The following CD109 variants were observed in gnomAD, a reference collection of about 807,000 sequenced individuals.
CD109 encodes CD109 antigen.
Under a neutral mutation model 165.8 loss-of-function variants are expected in CD109, and 149 were observed. That is an observed-to-expected ratio of 0.90 (90% CI 0.79 to 1.03). The LOEUF (loss-of-function observed/expected upper bound fraction) is 1.03. CD109 is among the 50% of genes least tolerant of loss of function. The probability of loss-of-function intolerance (pLI) is 0.00; values close to 1 mark genes in which losing one functional copy is unlikely to be tolerated. For synonymous variants in CD109, 585 were observed against 592.1 expected (o/e 0.99, Z 0.18); for missense variants, 1,712 against 1,677.8 (o/e 1.02, Z -0.36).
intron 3 of CD109, 142 bp downstream of exon 3, chr6:73,723,421 AT>A: frequency 1.5e-6 from 1 of 677,820 alleles, no homozygotes. Context: ...CAGCCTTCAG[AT>A]TATTTATGAA....
intron 19 of CD109, among the ~76,000 whole-genome samples, chr6:73,784,107 A>AAG (rs1017019064): frequency 6.6e-6 from 1 of 152,110 alleles, no homozygotes; most frequent in Non-Finnish European, 1.5e-5. Flanking sequence ...GAGAAAGAAA[A>AAG]AGAGAGAGAG....
At chr6:73,820,163 C>G (rs543498620) in intron 31 of CD109, among the ~76,000 whole-genome samples, 1 of 152,232 alleles carries the variant, frequency 6.6e-6, no homozygotes, top group Admixed American at 6.5e-5. Flanking sequence ...GTGGGGTGCA[C>G]CATCTGAGAC....
At chr6:73,743,279 AACC>A (rs1772860566) in intron 5 of CD109, among the ~76,000 whole-genome samples, 1 of 152,206 alleles carries the variant, frequency 6.6e-6, no homozygotes, top group Non-Finnish European at 1.5e-5. Context: ...ACAATTTCGT[AACC>A]GTTGTCTCAA....
At chr6:73,715,456 T>C (rs1266265199) in intron 2 of CD109, among the ~76,000 whole-genome samples, 3 of 146,108 alleles carry the variant, frequency 2.1e-5, no homozygotes, top group African/African-American at 7.7e-5. Flanking sequence ...TCCTAGTTAC[T>C]GGGGAGGCTG....
chr6:73,741,139 A>G (rs1174092766), intron 5 of CD109, among the ~76,000 whole-genome samples: 1 of 126,830 alleles, frequency 7.9e-6, no homozygotes, highest in East Asian at 2.4e-4. Flanking sequence ...TCAAATTGCA[A>G]AGAAACTCTT....
chr6:73,749,974 T>C (rs1773127701), intron 5 of CD109, among the ~76,000 whole-genome samples: 1 of 152,180 alleles, frequency 6.6e-6, no homozygotes, highest in South Asian at 2.1e-4. Context: ...TACCAGGGGG[T>C]TAGTATTATT....
chr6:73,729,854 T>G (rs1325110137), intron 3 of CD109, among the ~76,000 whole-genome samples: 2 of 152,108 alleles, frequency 1.3e-5, no homozygotes, highest in African/African-American at 2.4e-5. Flanking sequence ...AGTAGCAGCA[T>G]CATCATCCCT....
At position 73,771,480 on chromosome 6, in the gene CD109, C is replaced by G. The variant is rs1044702086; in HGVS notation, c.1726C>G (p.Leu576Val). ...AGCTGAACCATCTGAGAAAGTCTCT[C>G]TTAGGATCTCTGTGACACAGCCTGA... Reference protein sequence around the residue: ...VKAEPSEKVSLRISVTQPDSI... With the variant: ...VKAEPSEKVSVRISVTQPDSI... Residue 576 changes from leucine to valine, a missense_variant, in exon 15 of 33, where the codon CTT (leucine) becomes GTT (valine). Physicochemically the swap from Leu to Val is conservative, Grantham distance 32. Transcript: ENST00000287097. 6.2e-7 allele frequency: 1 copy of G among 1,610,322 alleles called. No homozygotes were observed. Among genetic ancestry groups the G allele is most frequent in the African/African-American group, 1.3e-5 (1 of 74,748 alleles).
intron 22 of CD109, among the ~76,000 whole-genome samples, chr6:73,791,586 T>A (rs978992412): frequency 4.6e-5 from 7 of 152,066 alleles, no homozygotes; most frequent in Non-Finnish European, 5.9e-5. Flanking sequence ...GAGGCTTAAT[T>A]TTTATGCTTG....
chr6:73,811,141 A>G lies in CD109; in HGVS notation c.3696A>G (p.Thr1232=). 2 of 1,612,424 alleles carry G rather than the reference A, an allele frequency of 1.2e-6. No homozygotes were observed. Among genetic ancestry groups the G allele is most frequent in the Non-Finnish European group, 1.7e-6 (2 of 1,179,232 alleles). The change falls in exon 28 of 33, where the codon ACA becomes ACG. Residue 1232 remains threonine, a synonymous_variant. Transcript: ENST00000287097. ...CACACAACCGCTTACTCCTTCAGAC[A>G]GCAGAGGTGTGGGCAAGGGGCAGTT... The part of the protein sequence containing the change: ...IDTHNRLLLQ[T]AELAVVQPTA...
At chr6:73,766,735 C>A in intron 11 of CD109, 24 bp from the exon 12 acceptor site, 1 of 1,516,442 alleles carries the variant, frequency 6.6e-7, no homozygotes, top group Non-Finnish European at 9.1e-7. Flanking sequence ...TGAACATTTA[C>A]AGCTCCTTTT....
chr6:73,803,767 A>G (rs1775469314), intron 24 of CD109, among the ~76,000 whole-genome samples: 1 of 152,130 alleles, frequency 6.6e-6, no homozygotes, highest in East Asian at 1.9e-4. Context: ...TCCAGACTGG[A>G]ATCTCTATGT....
intron 5 of CD109, among the ~76,000 whole-genome samples, chr6:73,745,449 G>A (rs1000425380): frequency 2.0e-5 from 3 of 152,150 alleles, no homozygotes; most frequent in Non-Finnish European, 2.9e-5. Context: ...GTTGAATTTA[G>A]ATGTCAACAG....
chr6:73,695,704 G>T (rs1276080049), upstream of CD109: 1 of 159,488 alleles, frequency 6.3e-6, no homozygotes, highest in Non-Finnish European at 1.4e-5. Context: ...GTGCGTGTGT[G>T]TGTGCGTGTG....
intron 28 of CD109, among the ~76,000 whole-genome samples, chr6:73,811,428 C>T (rs1180002031): frequency 1.3e-5 from 2 of 152,050 alleles, no homozygotes; most frequent in East Asian, 3.9e-4. Context: ...AGGCACTGTG[C>T]TAGATTACTT....
In CD109 at chr6:73,803,444, T is replaced by A. The variant is rs372088212; in HGVS notation, c.2960+143T>A. On this transcript the variant is annotated intron_variant, in intron 24 of 32. Transcript: ENST00000287097. ...TCCTTAGTCTGGCTTTAAAAAGAGA[T>A]TTTCTTTTTAAAGTATTATTTTCAA... is the stretch of plus-strand genomic sequence containing the variant. 1.7e-5 allele frequency: 10 copies of A among 593,536 alleles called. 1 individual carries two copies. Among genetic ancestry groups the A allele is most frequent in the African/African-American group, 1.6e-4 (8 of 49,992 alleles). The allele number at this position is 593,536 out of a possible 1,614,324, so 36.8% of individuals were successfully genotyped here. A position where few individuals can be genotyped will look rare whatever the true frequency, so the allele number is the denominator to read the frequency against.
intron 29 of CD109, among the ~76,000 whole-genome samples, chr6:73,814,532 C>A (rs61692552): frequency 0.024 from 3,606 of 152,168 alleles, 159 homozygotes; most frequent in African/African-American, 0.082. Context: ...AAAAATAATC[C>A]TCAGCAATGT....
chr6:73,701,275 ATC>A (rs1378913305), intron 2 of CD109, among the ~76,000 whole-genome samples: 3 of 152,182 alleles, frequency 2.0e-5, no homozygotes, highest in Non-Finnish European at 4.4e-5. Flanking sequence ...CATCATTGCC[ATC>A]AGCTCCATAG....
At chr6:73,817,187 T>C (rs1582208394) in intron 30 of CD109, among the ~76,000 whole-genome samples, 2 of 152,202 alleles carry the variant, frequency 1.3e-5, no homozygotes, top group Non-Finnish European at 1.5e-5. Flanking sequence ...CATACCAGGC[T>C]TTCTGTGTGG....
Sources: gnomAD v4.1 joint callset for allele counts (sites outside exome capture counted in the v4.1 genomes callset) on GRCh38, gnomAD v4.1.1 for gene constraint, MANE v1.5 for transcripts, NCBI Gene and HGNC (gene_info 2026-07-23, HGNC 2026-07-21) for gene names.